Variants in COL24A1 observed in about 807,000 individuals in gnomAD.
COL24A1 encodes collagen type XXIV alpha 1 chain.
COL24A1 carries 224 observed loss-of-function variants against 253.9 expected under a neutral mutation model. The observed-to-expected ratio is 0.88, with a 90% CI of 0.79 to 0.99. The LOEUF is 0.99. Ranked by LOEUF, COL24A1 falls within the 50% of genes least tolerant of loss-of-function variation. The pLI, the probability that COL24A1 is intolerant of heterozygous loss-of-function variation, is 0.00. For missense variants in COL24A1, 2,131 were observed against 2,068.5 expected (o/e 1.03, Z -0.59); for synonymous variants, 685 against 673.7 (o/e 1.02, Z -0.26).
At chr1:86,073,417 T>A (rs2101855586) in intron 7 of COL24A1, among the ~76,000 whole-genome samples, 1 of 151,922 alleles carries the variant, frequency 6.6e-6, no homozygotes, top group African/African-American at 2.4e-5. Context: ...AAGACAAGAT[T>A]AGAGAAAAAA....
intron 22 of COL24A1, among the ~76,000 whole-genome samples, chr1:85,966,495 T>C (rs1056777736): frequency 6.6e-6 from 1 of 152,112 alleles, no homozygotes; most frequent in East Asian, 1.9e-4. Flanking sequence ...GTGGATGACC[T>C]CATTTAGCCA....
chr1:86,144,147 G>T (rs976370153), intron 2 of COL24A1, among the ~76,000 whole-genome samples: 2 of 151,742 alleles, frequency 1.3e-5, no homozygotes, highest in South Asian at 2.1e-4. Context: ...GTTAAGAACT[G>T]GCAATAAAAT....
chr1:85,879,427 T>C (rs1426378702), intron 32 of COL24A1, among the ~76,000 whole-genome samples: 1 of 152,132 alleles, frequency 6.6e-6, no homozygotes, highest in Non-Finnish European at 1.5e-5. Context: ...GTTGTGTATA[T>C]TGTGTAGAAC....
At chr1:86,007,481 T>C (rs968213831) in intron 19 of COL24A1, among the ~76,000 whole-genome samples, 2 of 151,882 alleles carry the variant, frequency 1.3e-5, no homozygotes, top group Non-Finnish European at 2.9e-5. Context: ...CCCAAAGGAG[T>C]TGAAAATTTA....
At chr1:85,768,678 C>A (rs1282171836) in intron 53 of COL24A1, among the ~76,000 whole-genome samples, 7 of 152,050 alleles carry the variant, frequency 4.6e-5, no homozygotes, top group African/African-American at 9.7e-5. Flanking sequence ...TAATTCCCTA[C>A]TCAGTGCAGG....
intron 43 of COL24A1, among the ~76,000 whole-genome samples, chr1:85,835,821 A>G (rs1281003073): frequency 6.6e-6 from 1 of 152,182 alleles, no homozygotes; most frequent in Non-Finnish European, 1.5e-5. Flanking sequence ...GACAATGGTG[A>G]TGGTTGCACA....
At chr1:85,840,878 T>C (rs908843566) in intron 42 of COL24A1, among the ~76,000 whole-genome samples, 5 of 152,124 alleles carry the variant, frequency 3.3e-5, no homozygotes, top group African/African-American at 9.6e-5. Flanking sequence ...GAAATAAATC[T>C]GAATGTGATA....
intron 2 of COL24A1, among the ~76,000 whole-genome samples, chr1:86,134,817 C>T (rs61803676): frequency 0.93 from 44,441 of 48,014 alleles, 20,965 homozygotes; most frequent in Non-Finnish European, 1. Flanking sequence ...GAGAAGAATG[C>T]ATATTCTGTT....
rs554370943 is a variant in COL24A1 at position 85,944,274 on chromosome 1, CTATT to C, written c.2562+16971_2562+16974del. 3.0e-3 allele frequency among the ~76,000 whole-genome samples: 460 copies of C among 152,154 alleles called. 3 individuals are homozygous for C. The highest frequency in any genetic ancestry group is 0.011 in the African/African-American group (437 of 41,510). On this transcript the variant is annotated intron_variant, in intron 24 of 59. Transcript: ENST00000370571. ...GTTTTTATATATTTCACTTTTTGAC[CTATT>C]TATTTATGAATATTGTTCATCTGCT... is the stretch of plus-strand genomic sequence containing the variant.
In COL24A1 at chr1:86,125,192, C is replaced by T. The variant is rs372662409; in HGVS notation, c.1144G>A (p.Asp382Asn). ...NMSDNITQHDDRVTGLSLFKK... is the reference protein window; with the variant it reads ...NMSDNITQHDNRVTGLSLFKK... ...AACAGTGACAGACCAGTTACTCTAT[C>T]ATCATGTTGTGTGATATTGTCAGAC... Residue 382 changes from aspartate to asparagine, a missense_variant, in exon 3 of 60, where the codon GAT becomes AAT. By Grantham distance (23) the Asp-to-Asn change is conservative. Coordinates refer to ENST00000370571, the MANE Select transcript of COL24A1 (RefSeq NM_152890.7). 14 of 1,613,334 alleles carry T rather than the reference C, an allele frequency of 8.7e-6. No individual in the cohort carries two copies. The highest frequency in any genetic ancestry group is 1.1e-5 in the Non-Finnish European group (13 of 1,179,680).
chr1:86,131,976 C>A (rs1295658784), intron 2 of COL24A1, among the ~76,000 whole-genome samples: 1 of 152,142 alleles, frequency 6.6e-6, no homozygotes, highest in Non-Finnish European at 1.5e-5. Context: ...ACAGTCCCAC[C>A]AACAGTGTAA....
chr1:85,789,171 A>C (rs1400654819), intron 47 of COL24A1, among the ~76,000 whole-genome samples: 1 of 152,180 alleles, frequency 6.6e-6, no homozygotes, highest in Non-Finnish European at 1.5e-5. Context: ...TCATTTTCAC[A>C]ATATTAATTC....
At chr1:85,745,796 A>C (rs1035628777) in intron 55 of COL24A1, among the ~76,000 whole-genome samples, 1 of 152,182 alleles carries the variant, frequency 6.6e-6, no homozygotes, top group African/African-American at 2.4e-5. Context: ...ACACACACAC[A>C]AAGTTCCTCA....
intron 1 of COL24A1, among the ~76,000 whole-genome samples, chr1:86,151,913 A>G (rs1031268567): frequency 5.3e-5 from 8 of 152,228 alleles, no homozygotes; most frequent in African/African-American, 1.9e-4. Flanking sequence ...GAAAATGGTG[A>G]ACAAATCTGA....
chr1:86,101,385 C>T (rs1017079290), intron 5 of COL24A1, among the ~76,000 whole-genome samples: 23 of 152,146 alleles, frequency 1.5e-4, no homozygotes, highest in Non-Finnish European at 2.8e-4. Flanking sequence ...ATTTCTTTCT[C>T]TTGCCTATTT....
chr1:85,776,308 A>G (rs542965738), intron 52 of COL24A1, among the ~76,000 whole-genome samples: 218 of 152,178 alleles, frequency 1.4e-3, no homozygotes, highest in African/African-American at 5.0e-3. Flanking sequence ...TATACCTTCT[A>G]TGACCTCAGT....
chr1:85,976,780 G>A (rs1428841316), intron 20 of COL24A1, among the ~76,000 whole-genome samples: 2 of 152,090 alleles, frequency 1.3e-5, no homozygotes, highest in Non-Finnish European at 2.9e-5. Flanking sequence ...CCTACTCCAA[G>A]GAAGTACTCA....
rs12567819 is a variant in COL24A1 at position 86,124,957 on chromosome 1, G to C, written c.1379C>G (p.Pro460Arg). 1.7e-5 allele frequency: 27 copies of C among 1,612,748 alleles called. 1 individual carries two copies. The East Asian group carries it at 4.7e-4, about 28-fold the overall frequency. The change falls in exon 3 of 60, where the codon CCC becomes CGC. Residue 460 changes from proline to arginine, a missense_variant. Physicochemically the swap from Pro to Arg is moderately radical, Grantham distance 103. Transcript: ENST00000370571. ...EGEFYPDATY[P>R]IENSYETELY... ...CTCAGTTTCATAGCTATTTTCGATG[G>C]GATAAGTAGCATCAGGATAAAATTC...
chr1:86,072,479 C>G (rs986611412), intron 7 of COL24A1, among the ~76,000 whole-genome samples: 2 of 152,198 alleles, frequency 1.3e-5, no homozygotes, highest in Non-Finnish European at 2.9e-5. Flanking sequence ...GAAAGAAAGG[C>G]AGCAGCCCCA....
Sources: gnomAD v4.1 joint callset for allele counts (sites outside exome capture counted in the v4.1 genomes callset) on GRCh38, gnomAD v4.1.1 for gene constraint, MANE v1.5 for transcripts, NCBI Gene and HGNC (gene_info 2026-07-23, HGNC 2026-07-21) for gene names.